The following ITSN1 variants were observed in gnomAD, a reference collection of about 807,000 sequenced individuals.
The protein encoded by ITSN1 is intersectin-1.
A neutral mutation model predicts 239.8 loss-of-function variants in ITSN1; 58 were observed. The ratio of observed to expected loss-of-function variants is 0.24; its 90% confidence interval spans 0.20 to 0.30. ITSN1 has a LOEUF of 0.30. Ranked by LOEUF, ITSN1 falls within the 10% of genes least tolerant of loss-of-function variation. The probability of loss-of-function intolerance (pLI) is 1.00; values close to 1 mark genes in which losing one functional copy is unlikely to be tolerated. For synonymous variants in ITSN1, 780 were observed against 770.8 expected (o/e 1.01, Z -0.20); for missense variants, 1,558 against 2,103.3 (o/e 0.74, Z 5.07).
In ITSN1 at chr21:33,894,808, A is replaced by AT. The variant is rs1445952405; in HGVS notation, c.*6508_*6509insT. ...GGCCTCAGGCAGACAGGAACCAAAG[A>AT]AAGGGTGTAGTGGCTTTGCAGCGTT... On this transcript the variant is annotated 3_prime_UTR_variant, in exon 40 of 40. Transcript: ENST00000381318. 2 of 152,216 alleles carry AT rather than the reference A, an allele frequency of 1.3e-5. No homozygotes were observed. The highest frequency in any genetic ancestry group is 4.8e-5 in the African/African-American group (2 of 41,450). 9.4% of individuals were successfully genotyped at this position (152,216 alleles called of 1,614,324 possible).
At chr21:33,663,132 A>G (rs1324815496) in intron 1 of ITSN1, among the ~76,000 whole-genome samples, 2 of 152,248 alleles carry the variant, frequency 1.3e-5, no homozygotes, top group Non-Finnish European at 2.9e-5. Context: ...TTGGATATAT[A>G]CTGAAGTTCC....
intron 34 of ITSN1, among the ~76,000 whole-genome samples, chr21:33,877,059 C>CTTTTTTTTTT (rs10529259): frequency 0.019 from 2,000 of 106,298 alleles, 370 homozygotes; most frequent in Non-Finnish European, 0.018. Flanking sequence ...CTGTGGGCAC[C>CTTTTTTTTTT]TTTTTTTTTT....
At chr21:33,715,274 A>G (rs201896940) in intron 1 of ITSN1, among the ~76,000 whole-genome samples, 1 of 6 alleles carries the variant, frequency 0.17, no homozygotes, top group Non-Finnish European at 0.25. Context: ...TAGGAAATCT[A>G]AAGAGATTCA....
chr21:33,875,466 A>G lies in ITSN1; in HGVS notation c.4286A>G (p.Asn1429Ser), dbSNP rs905979723. 2 of 1,613,616 alleles carry G rather than the reference A, an allele frequency of 1.2e-6. No homozygotes were observed. The highest frequency in any genetic ancestry group is 1.7e-6 in the Non-Finnish European group (2 of 1,179,884). The change falls in exon 34 of 40, where the codon AAC becomes AGC. Residue 1429 changes from asparagine to serine, a missense_variant. Transcript: ENST00000381318. Reference protein sequence around the residue: ...QVNEGVREKENSDRLEWIQAH... With the variant: ...QVNEGVREKESSDRLEWIQAH... ...AACGAAGGGGTGCGGGAGAAGGAGA[A>G]CTCTGACCGGCTGGAGTGGATCCAG...
At chr21:33,859,426 G>C (rs1189604592) in intron 31 of ITSN1, among the ~76,000 whole-genome samples, 2 of 151,686 alleles carry the variant, frequency 1.3e-5, no homozygotes, top group Non-Finnish European at 2.9e-5. Context: ...TCATCACAAA[G>C]TCTCTTCCAA....
intron 33 of ITSN1, 147 bp downstream of exon 33, chr21:33,867,478 G>A (rs1981809423): frequency 1.6e-6 from 1 of 613,360 alleles, no homozygotes; most frequent in African/African-American, 1.8e-5. Flanking sequence ...AGGTCTGCTT[G>A]GTAACTCAGA....
At chr21:33,737,852 G>T (rs770306471) in intron 5 of ITSN1, among the ~76,000 whole-genome samples, 2 of 152,056 alleles carry the variant, frequency 1.3e-5, no homozygotes, top group Non-Finnish European at 2.9e-5. Flanking sequence ...GGCATTACAG[G>T]ATGAGCCACT....
intron 34 of ITSN1, among the ~76,000 whole-genome samples, chr21:33,877,984 CTCTCTT>C (rs991485225): frequency 4.8e-5 from 7 of 146,682 alleles, no homozygotes; most frequent in East Asian, 4.1e-4. Flanking sequence ...CTCTCTCTGT[CTCTCTT>C]TCTCTTTCTC....
At chr21:33,867,445 C>T (rs1981802505) in intron 33 of ITSN1, 114 bp downstream of exon 33, 2 of 680,614 alleles carry the variant, frequency 2.9e-6, no homozygotes, top group Non-Finnish European at 5.3e-6. Context: ...GTGTAGAAAG[C>T]ACGAGACAAC....
At chr21:33,794,221 C>T (rs2071362394) in intron 16 of ITSN1, 120 bp from the exon 17 acceptor site, 1 of 739,070 alleles carries the variant, frequency 1.4e-6, no homozygotes, top group Non-Finnish European at 2.3e-6. Flanking sequence ...CTTTTTCCAA[C>T]TCTGAAACGT....
At chr21:33,763,631 G>GT (rs948073015) in intron 9 of ITSN1, among the ~76,000 whole-genome samples, 6 of 150,460 alleles carry the variant, frequency 4.0e-5, no homozygotes, top group Non-Finnish European at 8.9e-5. Context: ...TTTTTTTTTT[G>GT]TTTTGTTGTT....
intron 1 of ITSN1, among the ~76,000 whole-genome samples, chr21:33,655,203 G>C (rs901441126): frequency 3.3e-5 from 5 of 151,984 alleles, no homozygotes; most frequent in African/African-American, 1.2e-4. Flanking sequence ...GTTTTAAACC[G>C]GTGTAGATCT....
intron 1 of ITSN1, among the ~76,000 whole-genome samples, chr21:33,692,332 G>A (rs1030349076): frequency 2.6e-5 from 4 of 152,272 alleles, no homozygotes; most frequent in Admixed American, 6.5e-5. Context: ...TCTAGCTGGC[G>A]TGCTTTCTGT....
intron 21 of ITSN1, among the ~76,000 whole-genome samples, chr21:33,811,600 C>G (rs150491991): frequency 0.019 from 2,836 of 151,904 alleles, 39 homozygotes; most frequent in South Asian, 0.029. Context: ...CTTTTTTTTG[C>G]CAGGCAGAAG....
chr21:33,825,219 G>A (rs942461344), intron 25 of ITSN1, among the ~76,000 whole-genome samples: 1 of 151,792 alleles, frequency 6.6e-6, no homozygotes, highest in African/African-American at 2.4e-5. Flanking sequence ...TTTAAGGTAA[G>A]TGGAGTTGTA....
At chr21:33,662,427 C>T (rs558805872) in intron 1 of ITSN1, among the ~76,000 whole-genome samples, 61 of 152,124 alleles carry the variant, frequency 4.0e-4, no homozygotes, top group Non-Finnish European at 7.9e-4. Context: ...TAATATTTTT[C>T]ATTTTGAACC....
At chr21:33,828,743 A>T (rs1346708089) in intron 26 of ITSN1, among the ~76,000 whole-genome samples, 1 of 152,182 alleles carries the variant, frequency 6.6e-6, no homozygotes, top group African/African-American at 2.4e-5. Context: ...CTAGAAGTTC[A>T]GAAAGCAGTA....
intron 1 of ITSN1, among the ~76,000 whole-genome samples, chr21:33,701,423 C>T (rs954379360): frequency 6.6e-6 from 1 of 152,046 alleles, no homozygotes; most frequent in Non-Finnish European, 1.5e-5. Context: ...CTGTGCCTGG[C>T]CTGTAAATAT....
chr21:33,752,051 A>C (rs537575068), intron 7 of ITSN1, 145 bp downstream of exon 7: 16 of 596,532 alleles, frequency 2.7e-5, no homozygotes, highest in East Asian at 1.3e-4. Flanking sequence ...TAATTTTCTT[A>C]ATTTCTGGAT....
Sources: gnomAD v4.1 joint callset for allele counts (sites outside exome capture counted in the v4.1 genomes callset) on GRCh38, gnomAD v4.1.1 for gene constraint, MANE v1.5 for transcripts, NCBI Gene and HGNC (gene_info 2026-07-23, HGNC 2026-07-21) for gene names.